Variants in COL10A1 observed in about 807,000 individuals in gnomAD.
The protein encoded by COL10A1 is collagen type X alpha 1 chain, also known as collagen alpha-1(X) chain.
A neutral mutation model predicts 18.2 loss-of-function variants in COL10A1; 10 were observed. That is an observed-to-expected ratio of 0.55 (90% CI 0.34 to 0.93). The LOEUF is 0.93. Ranked by LOEUF, COL10A1 falls within the 40% of genes least tolerant of loss-of-function variation. COL10A1 has a pLI of 0.02. For synonymous variants in COL10A1, 330 were observed against 316.6 expected, an observed-to-expected ratio of 1.04 and a Z score of -0.45; for missense variants, 897 against 853.5, an observed-to-expected ratio of 1.05 and a Z score of -0.64.
At chr6:116,176,916 CT>C in the COL10A1 span, among the ~76,000 whole-genome samples, 5 of 152,206 alleles carry the variant, frequency 3.3e-5, no homozygotes, top group South Asian at 1.0e-3. Context: ...GAAAGGGGCC[CT>C]TTTTTTGCCC....
At chr6:116,171,910 G>A in the COL10A1 span, among the ~76,000 whole-genome samples, 1 of 152,194 alleles carries the variant, frequency 6.6e-6, no homozygotes, top group African/African-American at 2.4e-5. Flanking sequence ...TTAAGTCCGA[G>A]AGTGAGAGAG....
intron 2 of COL10A1, among the ~76,000 whole-genome samples, chr6:116,122,681 G>A (rs1051857698): frequency 1.3e-5 from 2 of 152,218 alleles, no homozygotes; most frequent in Non-Finnish European, 2.9e-5. Flanking sequence ...TGTGAAAAAT[G>A]CGGCTGGGCC....
At position 116,119,873 on chromosome 6, in the gene COL10A1, T is replaced by C. The variant is rs1779055437; in HGVS notation, c.*200A>G. ...GAGCCTTAAGATTGCTAACTAGAAATTCAAGAGAGGCTTCACATACGTTTT... is the reference window on the plus strand; with the variant it reads ...GAGCCTTAAGATTGCTAACTAGAAACTCAAGAGAGGCTTCACATACGTTTT... On this transcript the variant is annotated 3_prime_UTR_variant, in exon 3 of 3. Coordinates refer to ENST00000651968, the MANE Select transcript of COL10A1 (RefSeq NM_000493.4). The C allele has an allele frequency of 1.7e-6, 1 of 586,734 alleles. No individual in the cohort carries two copies. The highest frequency in any genetic ancestry group is 3.0e-5 in the Admixed American group (1 of 33,552). 36.3% of individuals were successfully genotyped at this position (586,734 alleles called of 1,614,324 possible).
At chr6:116,211,594 C>T in the COL10A1 span, among the ~76,000 whole-genome samples, 8 of 151,778 alleles carry the variant, frequency 5.3e-5, no homozygotes, top group Non-Finnish European at 1.2e-4. Flanking sequence ...TTAGCCATGC[C>T]AAATAAGTAT....
intron 1 of COL10A1, among the ~76,000 whole-genome samples, chr6:116,142,619 T>G (rs1326386892): frequency 6.6e-6 from 1 of 152,198 alleles, no homozygotes; most frequent in South Asian, 2.1e-4. Flanking sequence ...CAGGAATGTC[T>G]TCAGCGAGCT....
the COL10A1 span, among the ~76,000 whole-genome samples, chr6:116,178,110 CGTG>C: frequency 8.5e-6 from 1 of 117,446 alleles, no homozygotes; most frequent in African/African-American, 3.3e-5. Context: ...CGCGTGCGTG[CGTG>C]TGTGTGTGTG....
chr6:116,130,894 C>T (rs1779441782), upstream of COL10A1, among the ~76,000 whole-genome samples: 1 of 151,666 alleles, frequency 6.6e-6, no homozygotes, highest in African/African-American at 2.4e-5. Flanking sequence ...AAATATAAGC[C>T]GTTTGATTAT....
At chr6:116,176,516 A>G in the COL10A1 span, among the ~76,000 whole-genome samples, 9 of 152,170 alleles carry the variant, frequency 5.9e-5, no homozygotes, top group African/African-American at 2.2e-4. Context: ...ACATTAGCAG[A>G]AGTTTTCTGC....
the COL10A1 span, among the ~76,000 whole-genome samples, chr6:116,173,609 T>C: frequency 6.6e-6 from 1 of 152,128 alleles, no homozygotes; most frequent in Non-Finnish European, 1.5e-5. Flanking sequence ...GTGGTAAAAA[T>C]CAGACCCAGC....
At chr6:116,204,213 G>A in the COL10A1 span, among the ~76,000 whole-genome samples, 1 of 151,872 alleles carries the variant, frequency 6.6e-6, no homozygotes, top group East Asian at 1.9e-4. Flanking sequence ...CTCTCAGAGT[G>A]TGTTTGTTGA....
the COL10A1 span, among the ~76,000 whole-genome samples, chr6:116,192,352 G>A: frequency 1.3e-4 from 20 of 151,928 alleles, no homozygotes; most frequent in Admixed American, 2.0e-4. Flanking sequence ...CATTATTTCC[G>A]TTTTGGGTAT....
At chr6:116,210,884 G>A in the COL10A1 span, among the ~76,000 whole-genome samples, 87 of 152,078 alleles carry the variant, frequency 5.7e-4, no homozygotes, top group East Asian at 4.5e-3. Flanking sequence ...GAATCACATA[G>A]AAGTATTAGT....
At chr6:116,163,138 AAAAAT>A (rs1376767118), upstream of COL10A1, among the ~76,000 whole-genome samples, 2 of 118,334 alleles carry the variant, frequency 1.7e-5, no homozygotes, top group Non-Finnish European at 3.5e-5. Flanking sequence ...AAAAAAAAAA[AAAAAT>A]ATATATATAT....
At chr6:116,192,788 C>A in the COL10A1 span, among the ~76,000 whole-genome samples, 1 of 151,980 alleles carries the variant, frequency 6.6e-6, no homozygotes, top group East Asian at 1.9e-4. Flanking sequence ...TCCTCTATTA[C>A]GATTTCCTCC....
the COL10A1 span, among the ~76,000 whole-genome samples, chr6:116,182,150 T>C: frequency 1.3e-5 from 2 of 152,000 alleles, no homozygotes; most frequent in African/African-American, 4.8e-5. Flanking sequence ...ACCTAGAACC[T>C]CCAATTTCAT....
chr6:116,177,968 A>G, the COL10A1 span, among the ~76,000 whole-genome samples: 2 of 151,452 alleles, frequency 1.3e-5, no homozygotes, highest in Non-Finnish European at 2.9e-5. Flanking sequence ...AAATACCACT[A>G]CCTTTCACTG....
intron 1 of COL10A1, among the ~76,000 whole-genome samples, chr6:116,158,072 A>G (rs1054233422): frequency 5.3e-5 from 8 of 152,236 alleles, no homozygotes; most frequent in African/African-American, 1.9e-4. Flanking sequence ...TCAGCTCTCA[A>G]AAAGTCAATT....
Position 116,120,310 on chromosome 6 carries a change from G to A in COL10A1, c.1806C>T (p.His602=), listed in dbSNP as rs753033965. The A allele has an allele frequency of 2.4e-5, 38 of 1,614,074 alleles. No individual in the cohort carries two copies. The Admixed American group carries it at 3.7e-4, about 16-fold the overall frequency. ...QIPGIYYFSY[H]VHVKGTHVWV... ...AAACATGAGTCCCTTTCACATGCAC[G>A]TGGTATGAAAAATAGTATATTCCTG... Residue 602 remains histidine (H), a synonymous_variant, in exon 3 of 3, where the codon CAC becomes CAT. Coordinates refer to ENST00000651968, the MANE Select transcript of COL10A1 (RefSeq NM_000493.4).
At chr6:116,149,913 A>T (rs1562139608) in intron 1 of COL10A1, among the ~76,000 whole-genome samples, 1 of 152,246 alleles carries the variant, frequency 6.6e-6, no homozygotes, top group Non-Finnish European at 1.5e-5. Context: ...TCTAAAGCAT[A>T]GTGTTCCCCC....
Sources: gnomAD v4.1 joint callset for allele counts (sites outside exome capture counted in the v4.1 genomes callset) on GRCh38, gnomAD v4.1.1 for gene constraint, MANE v1.5 for transcripts, NCBI Gene and HGNC (gene_info 2026-07-23, HGNC 2026-07-21) for gene names.